The following TTC28 variants were observed in gnomAD, a reference collection of about 807,000 sequenced individuals.
TTC28 encodes the protein tetratricopeptide repeat protein 28.
Under a neutral mutation model 198.0 loss-of-function variants are expected in TTC28, and 61 were observed. The ratio of observed to expected loss-of-function variants is 0.31; its 90% CI spans 0.25 to 0.38. The LOEUF (loss-of-function observed/expected upper bound fraction) is 0.38, where lower values mean the gene tolerates loss of function less well. Among genes scored for constraint, TTC28 ranks in the 10% least tolerant of loss-of-function variants. The pLI is 1.00. For synonymous variants in TTC28, 1,171 were observed against 1,297.8 expected, an observed-to-expected ratio of 0.90 and a Z score of 2.10; for missense variants, 2,678 against 3,164.0, an observed-to-expected ratio of 0.85 and a Z score of 3.69.
chr22:28,262,775 C>T (rs1225531529), intron 5 of TTC28, among the ~76,000 whole-genome samples: 1 of 152,090 alleles, frequency 6.6e-6, no homozygotes, highest in East Asian at 1.9e-4. Context: ...TGTGTCATCC[C>T]ACAAGGCCCA....
At chr22:28,398,689 C>T (rs2046854676) in intron 2 of TTC28, among the ~76,000 whole-genome samples, 1 of 152,150 alleles carries the variant, frequency 6.6e-6, no homozygotes, top group Admixed American at 6.5e-5. Flanking sequence ...ATTTATTGAT[C>T]TCTAATATGG....
chr22:28,521,583 A>G (rs1368515008), intron 2 of TTC28, among the ~76,000 whole-genome samples: 2 of 152,112 alleles, frequency 1.3e-5, no homozygotes, highest in Non-Finnish European at 2.9e-5. Context: ...GAGGCTGAGA[A>G]TCCATCTAGG....
chr22:28,496,946 T>A lies in TTC28; in HGVS notation c.381+132606A>T, dbSNP rs142919630. Among the ~76,000 whole-genome samples the A allele has an allele frequency of 3.8e-3, 577 of 152,260 alleles. 3 individuals carry two copies. The highest frequency in any genetic ancestry group is 6.4e-3 in the Non-Finnish European group (432 of 68,014). ...ATCCCACCTCAAGCCATTGCACTTA[T>A]GAATCCCACTGAGAACACTTTTACC... On this transcript the variant is annotated intron_variant, in intron 2 of 22. Transcript: ENST00000397906.
At position 28,266,636 on chromosome 22, in the gene TTC28, T is replaced by A. The variant is rs374847898; in HGVS notation, c.933+29562A>T. Among the ~76,000 whole-genome samples, 26 of 152,176 alleles carry A rather than the reference T, an allele frequency of 1.7e-4. 1 individual carries two copies. The South Asian group carries it at 4.8e-3, about 28-fold the overall frequency. On this transcript the variant is annotated intron_variant, in intron 5 of 22. Coordinates refer to ENST00000397906, the MANE Select transcript of TTC28 (RefSeq NM_001145418.2). ...CTGGTGGGCACTTGTCCCAGGGAGG[T>A]CTCAGATATGCAAGACAGGCTGAGC...
chr22:28,123,144 G>T (rs79557728), intron 6 of TTC28, among the ~76,000 whole-genome samples: 1 of 152,118 alleles, frequency 6.6e-6, no homozygotes, highest in Non-Finnish European at 1.5e-5. Flanking sequence ...GATGAGAAAC[G>T]GAAGAACTTC....
In TTC28 at chr22:28,015,742, C is replaced by A. The variant is rs544421525; in HGVS notation, c.4074-1350G>T. ...CACCCCACCATCAGTGATCTCTTAACCTCGATTTAGACACTGTTCATAGTT... is the reference window on the plus strand; with the variant it reads ...CACCCCACCATCAGTGATCTCTTAAACTCGATTTAGACACTGTTCATAGTT... On this transcript the variant is annotated intron_variant, in intron 13 of 22. Coordinates refer to ENST00000397906, the MANE Select transcript of TTC28 (RefSeq NM_001145418.2). Among the ~76,000 whole-genome samples the A allele has an allele frequency of 2.6e-5, 4 of 152,070 alleles. No individual in the cohort carries two copies. In the South Asian group the frequency reaches 8.3e-4, roughly 32 times the overall value.
chr22:28,566,015 A>G (rs1261597605), intron 2 of TTC28, among the ~76,000 whole-genome samples: 1 of 152,200 alleles, frequency 6.6e-6, no homozygotes, highest in Non-Finnish European at 1.5e-5. Flanking sequence ...CATCTAGACC[A>G]TCATGTAGGA....
intron 2 of TTC28, among the ~76,000 whole-genome samples, chr22:28,394,905 C>T (rs1415788089): frequency 6.6e-6 from 1 of 152,130 alleles, no homozygotes; most frequent in Non-Finnish European, 1.5e-5. Flanking sequence ...GGAGCACACA[C>T]ATAGTAATAC....
intron 2 of TTC28, among the ~76,000 whole-genome samples, chr22:28,628,090 G>C (rs1467102507): frequency 6.6e-6 from 1 of 151,664 alleles, no homozygotes; most frequent in Non-Finnish European, 1.5e-5. Flanking sequence ...ATTTTTTGTA[G>C]AGACTATGTT....
At position 28,105,474 on chromosome 22, in the gene TTC28, G is replaced by A; in HGVS notation, c.3112C>T (p.Arg1038Ter). ...EETNNPTCQG[R>*]AYGNLGLTYE... Reference sequence around the variant, plus strand: ...GTCAGGCCCAGGTTCCCATAGGCTCGGCCCTGGCACGTGGGGTTGTTGGTT... The same window carrying A: ...GTCAGGCCCAGGTTCCCATAGGCTCAGCCCTGGCACGTGGGGTTGTTGGTT... The change falls in exon 8 of 23, where the codon CGA becomes TGA. Residue 1038 changes from arginine to a stop codon, truncating the protein, a stop_gained. Transcript: ENST00000397906. LOFTEE classifies it high-confidence loss of function. 2 of 1,551,638 alleles carry A rather than the reference G, an allele frequency of 1.3e-6. No homozygotes were observed. The highest frequency in any genetic ancestry group is 8.7e-7 in the Non-Finnish European group (1 of 1,146,982).
intron 2 of TTC28, among the ~76,000 whole-genome samples, chr22:28,474,518 G>A (rs999402796): frequency 2.0e-5 from 3 of 152,180 alleles, no homozygotes; most frequent in Non-Finnish European, 2.9e-5. Flanking sequence ...TACCAGGTGT[G>A]GTTAGAGGGT....
intron 1 of TTC28, among the ~76,000 whole-genome samples, chr22:28,635,392 ATTACTCAT>A (rs2146219913): frequency 6.6e-6 from 1 of 152,344 alleles, no homozygotes; most frequent in African/African-American, 2.4e-5. Context: ...AAAATGTTTA[ATTACTCAT>A]TTACTTAGAT....
intron 13 of TTC28, among the ~76,000 whole-genome samples, chr22:28,018,943 G>T (rs1938488579): frequency 6.6e-6 from 1 of 152,246 alleles, no homozygotes; most frequent in Non-Finnish European, 1.5e-5. Flanking sequence ...AAGCTGGTAA[G>T]GGTGAGCTCC....
rs192426193 is a variant in TTC28, at chr22:28,306,924, T to C, written c.382-281A>G. Among the ~76,000 whole-genome samples the C allele has an allele frequency of 5.8e-3, 881 of 152,366 alleles. 9 individuals carry two copies. The highest frequency in any genetic ancestry group is 0.021 in the African/African-American group (855 of 41,592). Reference sequence around the variant, plus strand: ...CACGTTACTTTTATTGTTTTTGAAGTATTTTAAAAATATTTCTTATCCCAC... The same window carrying C: ...CACGTTACTTTTATTGTTTTTGAAGCATTTTAAAAATATTTCTTATCCCAC... On this transcript the variant is annotated intron_variant, in intron 2 of 22. Coordinates refer to ENST00000397906, the MANE Select transcript of TTC28 (RefSeq NM_001145418.2).
chr22:28,466,277 A>G (rs1437495425), intron 2 of TTC28, among the ~76,000 whole-genome samples: 2 of 152,214 alleles, frequency 1.3e-5, no homozygotes, highest in East Asian at 3.8e-4. Context: ...AATGCCAGAA[A>G]ATACAGGATC....
At chr22:28,162,191 C>T (rs865902741) in intron 6 of TTC28, among the ~76,000 whole-genome samples, 14 of 152,180 alleles carry the variant, frequency 9.2e-5, no homozygotes, top group African/African-American at 2.9e-4. Context: ...CTTACCACTA[C>T]ATATAAATTC....
chr22:28,243,977 T>C (rs2147259372), intron 5 of TTC28, among the ~76,000 whole-genome samples: 1 of 152,292 alleles, frequency 6.6e-6, no homozygotes, highest in Middle Eastern at 3.4e-3. Flanking sequence ...GCTTAGATTT[T>C]AGAGGTGAGA....
intron 2 of TTC28, among the ~76,000 whole-genome samples, chr22:28,585,989 A>AG (rs1489277146): frequency 6.6e-6 from 1 of 151,748 alleles, no homozygotes; most frequent in East Asian, 1.9e-4. Context: ...AAAAAAAAAA[A>AG]AGAAGAAGAA....
intron 6 of TTC28, among the ~76,000 whole-genome samples, chr22:28,126,163 G>C (rs533294428): frequency 6.6e-6 from 1 of 152,288 alleles, no homozygotes; most frequent in African/African-American, 2.4e-5. Context: ...ATTTACTGCA[G>C]CATTACATGG....
Sources: gnomAD v4.1 joint callset for allele counts (sites outside exome capture counted in the v4.1 genomes callset) on GRCh38, gnomAD v4.1.1 for gene constraint, MANE v1.5 for transcripts, NCBI Gene and HGNC (gene_info 2026-07-23, HGNC 2026-07-21) for gene names.